CD44: variants seen among roughly 807,000 people sequenced by gnomAD.
CD44 encodes the protein CD44 molecule (IN blood group).
Under a neutral mutation model 88.8 loss-of-function variants are expected in CD44, and 49 were observed. The ratio of observed to expected loss-of-function variants is 0.55; its 90% CI spans 0.44 to 0.70. CD44 has a LOEUF of 0.70. Ranked by LOEUF, CD44 falls within the 30% of genes least tolerant of loss-of-function variation. The probability of loss-of-function intolerance (pLI) is 0.00; values close to 1 mark genes in which losing one functional copy is unlikely to be tolerated. For synonymous variants in CD44, 325 were observed against 312.3 expected, an observed-to-expected ratio of 1.04 and a Z score of -0.43; for missense variants, 883 against 913.8, an observed-to-expected ratio of 0.97 and a Z score of 0.43.
intron 1 of CD44, among the ~76,000 whole-genome samples, chr11:35,145,859 T>C (rs747457483): frequency 1.3e-5 from 2 of 152,190 alleles, no homozygotes; most frequent in African/African-American, 2.4e-5. Context: ...GATACTACCA[T>C]AGCTTCTTCG....
intron 5 of CD44, among the ~76,000 whole-genome samples, chr11:35,191,755 G>A (rs1211577612): frequency 6.6e-6 from 1 of 152,126 alleles, no homozygotes. Flanking sequence ...AGTATTTCAT[G>A]TGTGTTTTAA....
intron 9 of CD44, 132 bp downstream of exon 9, chr11:35,201,919 C>A (rs940098465): frequency 4.1e-6 from 4 of 983,232 alleles, no homozygotes; most frequent in Non-Finnish European, 5.9e-6. Flanking sequence ...TTCTTAGAGC[C>A]TGAAAAGCTG....
chr11:35,172,973 G>A (rs1204676536), intron 1 of CD44, among the ~76,000 whole-genome samples: 4 of 152,198 alleles, frequency 2.6e-5, no homozygotes, highest in African/African-American at 9.7e-5. Flanking sequence ...GTGAAGTTAT[G>A]TTGGCTTCTG....
At chr11:35,225,100 C>A (rs987852063) in intron 17 of CD44, among the ~76,000 whole-genome samples, 1 of 123,124 alleles carries the variant, frequency 8.1e-6, no homozygotes, top group African/African-American at 2.6e-5. Context: ...CTAGCCACAA[C>A]TGAGCACTTG....
Position 35,230,719 on chromosome 11 carries a change from C to T in CD44, c.*1386C>T, listed in dbSNP as rs1033068839. 1 of 152,192 alleles carries T rather than the reference C, an allele frequency of 6.6e-6. No homozygotes were observed. Among genetic ancestry groups the T allele is most frequent in the African/African-American group, 2.4e-5 (1 of 41,428 alleles). 9.4% of individuals were successfully genotyped at this position (152,192 alleles called of 1,614,324 possible). On this transcript the variant is annotated 3_prime_UTR_variant, in exon 18 of 18. Transcript: ENST00000428726. Reference sequence around the variant, plus strand: ...GAGTACTGGCTTTATCCTCTAACCTCATATTTTCTCCCACTTGGCAAGTCC... The same window carrying T: ...GAGTACTGGCTTTATCCTCTAACCTTATATTTTCTCCCACTTGGCAAGTCC...
At chr11:35,145,208 G>A (rs1428616645) in intron 1 of CD44, among the ~76,000 whole-genome samples, 1 of 152,210 alleles carries the variant, frequency 6.6e-6, no homozygotes, top group Non-Finnish European at 1.5e-5. Flanking sequence ...GGAGTCCCCT[G>A]ATAACAGGGA....
chr11:35,151,089 A>G (rs1014067505), intron 1 of CD44, among the ~76,000 whole-genome samples: 6 of 152,336 alleles, frequency 3.9e-5, no homozygotes, highest in Non-Finnish European at 5.9e-5. Context: ...TTTGAGGATG[A>G]GTTGAATGTG....
At chr11:35,172,850 A>C (rs80027338) in intron 1 of CD44, among the ~76,000 whole-genome samples, 1 of 103,510 alleles carries the variant, frequency 9.7e-6, no homozygotes, top group Non-Finnish European at 2.2e-5. Context: ...ATTTTGGTGC[A>C]AAAAAAAAAA....
chr11:35,165,541 A>T (rs978649384), intron 1 of CD44, among the ~76,000 whole-genome samples: 3 of 152,216 alleles, frequency 2.0e-5, no homozygotes, highest in Non-Finnish European at 4.4e-5. Context: ...AGCCTGATGT[A>T]CTTTAATCCA....
intron 7 of CD44, among the ~76,000 whole-genome samples, chr11:35,199,537 G>A (rs912592731): frequency 6.6e-6 from 1 of 152,002 alleles, no homozygotes; most frequent in African/African-American, 2.4e-5. Context: ...CAAATGGACA[G>A]AGAAGAAAGG....
At chr11:35,168,547 T>C (rs1409965566) in intron 1 of CD44, among the ~76,000 whole-genome samples, 2 of 152,182 alleles carry the variant, frequency 1.3e-5, no homozygotes, top group Non-Finnish European at 2.9e-5. Context: ...AGAACACCAT[T>C]GAGTAGCAGG....
In CD44 at chr11:35,156,399, TGAAG is replaced by T. The variant is rs778493702; in HGVS notation, c.67+17032_67+17035del. Reference sequence around the variant, plus strand: ...ATCCAGAGATGTTTAAAAATGGACCTGAAGGATGTGATTGTGTCTTAGGCAGGAA... The same window carrying T: ...ATCCAGAGATGTTTAAAAATGGACCTGATGTGATTGTGTCTTAGGCAGGAA... On this transcript the variant is annotated intron_variant, in intron 1 of 17. Transcript: ENST00000428726. Among the ~76,000 whole-genome samples, 58 of 152,228 alleles carry T rather than the reference TGAAG, an allele frequency of 3.8e-4. 1 individual carries two copies. The highest frequency in any genetic ancestry group is 7.6e-4 in the Non-Finnish European group (52 of 68,036).
chr11:35,189,707 C>T, intron 4 of CD44, 128 bp from the exon 5 acceptor site: 1 of 680,040 alleles, frequency 1.5e-6, no homozygotes. Context: ...CCACTCTCTC[C>T]CACCACTGGA....
chr11:35,205,105 T>C (rs1188948661), intron 10 of CD44, among the ~76,000 whole-genome samples: 1 of 152,246 alleles, frequency 6.6e-6, no homozygotes, highest in Non-Finnish European at 1.5e-5. Context: ...ACCTGTCTGA[T>C]GTCATTTGGC....
chr11:35,188,520 T>G (rs1945925049), intron 4 of CD44, among the ~76,000 whole-genome samples: 2 of 152,220 alleles, frequency 1.3e-5, no homozygotes, highest in South Asian at 4.1e-4. Context: ...ATGCCCACAG[T>G]TCTCTTTTGA....
At chr11:35,214,330 G>C (rs1236595085) in intron 14 of CD44, among the ~76,000 whole-genome samples, 1 of 150,588 alleles carries the variant, frequency 6.6e-6, no homozygotes, top group Non-Finnish European at 1.5e-5. Context: ...CTTTCTCTTT[G>C]AATCTTTACA....
At position 35,154,832 on chromosome 11, in the gene CD44, C is replaced by A. The variant is rs188462230; in HGVS notation, c.67+15462C>A. Among the ~76,000 whole-genome samples, 39 of 152,276 alleles carry A rather than the reference C, an allele frequency of 2.6e-4. No homozygotes were observed. The East Asian group carries it at 6.9e-3, about 27-fold the overall frequency. ...CTGAATATTTCTGTAAGTAACAGAA[C>A]AATCAGCTCTCATAAAATATTACCT... On this transcript the variant is annotated intron_variant, in intron 1 of 17. Transcript: ENST00000428726.
intron 1 of CD44, among the ~76,000 whole-genome samples, chr11:35,167,955 C>A (rs1335537474): frequency 6.6e-6 from 1 of 152,178 alleles, no homozygotes; most frequent in East Asian, 1.9e-4. Context: ...ATGGGAAGAC[C>A]AACAGGCAGA....
intron 1 of CD44, among the ~76,000 whole-genome samples, chr11:35,174,161 G>T (rs565000054): frequency 6.6e-6 from 1 of 152,194 alleles, no homozygotes; most frequent in East Asian, 1.9e-4. Context: ...CTGGGATTCA[G>T]AAAGGAGACT....
Sources: gnomAD v4.1 joint callset for allele counts (sites outside exome capture counted in the v4.1 genomes callset) on GRCh38, gnomAD v4.1.1 for gene constraint, MANE v1.5 for transcripts, NCBI Gene and HGNC (gene_info 2026-07-23, HGNC 2026-07-21) for gene names.